The following PTBP3 variants were observed in gnomAD, a reference collection of about 807,000 sequenced individuals.
The protein encoded by PTBP3 is polypyrimidine tract-binding protein 3.
In PTBP3, 20 loss-of-function variants were observed where a neutral mutation model predicts 58.7. The observed-to-expected ratio is 0.34, with a 90% CI of 0.24 to 0.50. PTBP3 has a LOEUF of 0.50. PTBP3 is among the 20% of genes least tolerant of loss of function. The pLI is 0.98. For synonymous variants in PTBP3, 185 were observed against 219.8 expected (o/e 0.84, Z 1.40); for missense variants, 509 against 637.2 (o/e 0.80, Z 2.17).
chr9:112,314,792 A>G (rs1829634804), intron 1 of PTBP3, among the ~76,000 whole-genome samples: 1 of 152,146 alleles, frequency 6.6e-6, no homozygotes, highest in Non-Finnish European at 1.5e-5. Context: ...ATCAGTAAAG[A>G]TACAGAAAAC....
At chr9:112,356,832 CCCAA>C in the PTBP3 span, among the ~76,000 whole-genome samples, 1 of 149,620 alleles carries the variant, frequency 6.7e-6, no homozygotes, top group African/African-American at 2.5e-5. Flanking sequence ...ACAATTTGGC[CCCAA>C]CCATTTCATT....
intron 2 of PTBP3, among the ~76,000 whole-genome samples, chr9:112,290,672 T>TAAAAA (rs141146042): frequency 4.9e-4 from 26 of 53,052 alleles, no homozygotes; most frequent in African/African-American, 1.5e-3. Context: ...ACTCTGTCTT[T>TAAAAA]AAAAAAAAAA....
the PTBP3 span, among the ~76,000 whole-genome samples, chr9:112,363,509 A>C: frequency 1.5e-5 from 2 of 130,860 alleles, no homozygotes; most frequent in Admixed American, 1.6e-4. Context: ...GCTACAGAGC[A>C]AAACTGTCAC....
intron 1 of PTBP3, among the ~76,000 whole-genome samples, chr9:112,313,497 G>C (rs905042939): frequency 1.2e-4 from 18 of 152,172 alleles, no homozygotes; most frequent in Admixed American, 2.0e-4. Flanking sequence ...CAAATATTTT[G>C]TAACTTAATT....
chr9:112,371,901 T>C, the PTBP3 span, among the ~76,000 whole-genome samples: 7 of 152,148 alleles, frequency 4.6e-5, no homozygotes, highest in Non-Finnish European at 1.0e-4. Flanking sequence ...ATCTGGCTAA[T>C]GGCTATTTTT....
In PTBP3 at chr9:112,333,591, C is replaced by T. The variant is rs1175223796; in HGVS notation, c.-173G>A. On this transcript the variant is annotated 5_prime_UTR_variant, in exon 1 of 14. Coordinates refer to ENST00000374257, the MANE Select transcript of PTBP3 (RefSeq NM_001163788.4). The stretch of plus-strand genomic sequence containing the variant: ...ACAAGCGAGCTTTGGCTCTGCGGAG[C>T]CCCGGCCGGTCCGAGGTGGAAGGAG... 3 of 1,332,140 alleles carry T rather than the reference C, an allele frequency of 2.3e-6. No individual in the cohort carries two copies. Among genetic ancestry groups the T allele is most frequent in the East Asian group, 5.3e-5 (2 of 37,576 alleles). 82.5% of individuals were successfully genotyped at this position (1,332,140 alleles called of 1,614,324 possible). A position where few individuals can be genotyped will look rare whatever the true frequency, so the allele number is the denominator to read the frequency against.
the PTBP3 span, among the ~76,000 whole-genome samples, chr9:112,372,037 C>T: frequency 1.6e-4 from 24 of 152,226 alleles, no homozygotes; most frequent in African/African-American, 5.8e-4. Context: ...GAGTTTTCTG[C>T]ATCAGCCATG....
chr9:112,322,381 A>G (rs1011705188), intron 1 of PTBP3, among the ~76,000 whole-genome samples: 3 of 152,268 alleles, frequency 2.0e-5, no homozygotes, highest in East Asian at 1.9e-4. Flanking sequence ...TGAAAGTCAC[A>G]TATCAGAGGC....
chr9:112,262,733 C>G lies in PTBP3; in HGVS notation c.352-134G>C. The G allele has an allele frequency of 8.3e-6, 6 of 719,250 alleles. No individual in the cohort carries two copies. The South Asian group carries it at 2.8e-4, about 33-fold the overall frequency. The allele number at this position is 719,250 out of a possible 1,614,324, so 44.6% of individuals were successfully genotyped here. A position where few individuals can be genotyped will look rare whatever the true frequency, so the allele number is the denominator to read the frequency against. On this transcript the variant is annotated intron_variant, in intron 4 of 13. Transcript: ENST00000374257. ...GATTTATCTACTCCGTCTGGAGATACATATCCTAAATTTGTAATCAGTCAA... is the reference window on the plus strand; with the variant it reads ...GATTTATCTACTCCGTCTGGAGATAGATATCCTAAATTTGTAATCAGTCAA...
rs114290940 is a variant in PTBP3, at chr9:112,304,516, T to C, written c.-51-6600A>G. Among the ~76,000 whole-genome samples, 718 of 152,376 alleles carry C rather than the reference T, an allele frequency of 4.7e-3. 6 individuals carry two copies. Among genetic ancestry groups the C allele is most frequent in the African/African-American group, 0.017 (688 of 41,588 alleles). On this transcript the variant is annotated intron_variant, in intron 1 of 13. Coordinates refer to ENST00000374257, the MANE Select transcript of PTBP3 (RefSeq NM_001163788.4). ...TATAATATGAATCTATGCTCCGCTC[T>C]ATTATCCTTTTAACTGATAAGCTTT...
In PTBP3 at chr9:112,219,524, A is replaced by G. The variant is rs1163886379; in HGVS notation, c.*4327T>C. The G allele has an allele frequency of 6.6e-6, 1 of 152,594 alleles. No homozygotes were observed. Among genetic ancestry groups the G allele is most frequent in the Non-Finnish European group, 1.5e-5 (1 of 68,026 alleles). 9.5% of individuals were successfully genotyped at this position (152,594 alleles called of 1,614,324 possible). On this transcript the variant is annotated 3_prime_UTR_variant, in exon 14 of 14. Transcript: ENST00000374257. ...CTCTGGAACATATGCCTCAGGTTAC[A>G]AAAACTAAGGAAACTACCACAAAGA...
At chr9:112,286,020 T>C (rs1029551549) in intron 2 of PTBP3, among the ~76,000 whole-genome samples, 1 of 152,262 alleles carries the variant, frequency 6.6e-6, no homozygotes, top group Non-Finnish European at 1.5e-5. Flanking sequence ...TTAGATTATG[T>C]CTACTCAATA....
Position 112,221,673 on chromosome 9 carries a change from A to C in PTBP3, c.*2178T>G. On this transcript the variant is annotated 3_prime_UTR_variant, in exon 14 of 14. Coordinates refer to ENST00000374257, the MANE Select transcript of PTBP3 (RefSeq NM_001163788.4). Reference sequence around the variant, plus strand: ...AAAAACTAAAAACTCCCACAACTACATACATGAGTATATCTATCTATTCAG... The same window carrying C: ...AAAAACTAAAAACTCCCACAACTACCTACATGAGTATATCTATCTATTCAG... The C allele has an allele frequency of 1.0e-6, 1 of 985,324 alleles. No homozygotes were observed. Among genetic ancestry groups the C allele is most frequent in the Non-Finnish European group, 1.2e-6 (1 of 829,822 alleles). The allele number at this position is 985,324 out of a possible 1,614,324, so 61.0% of individuals were successfully genotyped here. A position where few individuals can be genotyped will look rare whatever the true frequency, so the allele number is the denominator to read the frequency against.
At chr9:112,306,737 TC>T in intron 1 of PTBP3, among the ~76,000 whole-genome samples, 1 of 152,098 alleles carries the variant, frequency 6.6e-6, no homozygotes, top group Middle Eastern at 3.4e-3. Flanking sequence ...TGCCTCAGCC[TC>T]CCAAGTAGCT....
chr9:112,322,828 T>C (rs1309432174), intron 1 of PTBP3, among the ~76,000 whole-genome samples: 1 of 152,218 alleles, frequency 6.6e-6, no homozygotes, highest in Non-Finnish European at 1.5e-5. Flanking sequence ...AGATGGTGAG[T>C]TGTTTTTCAG....
At chr9:112,280,082 T>C (rs1827789624) in intron 2 of PTBP3, among the ~76,000 whole-genome samples, 1 of 152,118 alleles carries the variant, frequency 6.6e-6, no homozygotes, top group Admixed American at 6.6e-5. Flanking sequence ...TATTTATAGA[T>C]GGAGTCTTGC....
the PTBP3 span, among the ~76,000 whole-genome samples, chr9:112,363,418 C>T: frequency 3.3e-5 from 5 of 151,652 alleles, no homozygotes; most frequent in East Asian, 9.7e-4. Context: ...ACTCGGGAGG[C>T]TGAAGTGGGC....
intron 1 of PTBP3, among the ~76,000 whole-genome samples, chr9:112,322,508 G>T (rs568554816): frequency 5.9e-4 from 90 of 152,296 alleles, no homozygotes; most frequent in African/African-American, 2.1e-3. Flanking sequence ...AGCTCAAAGA[G>T]CTGCAAGGCT....
intron 1 of PTBP3, among the ~76,000 whole-genome samples, chr9:112,301,456 G>GA (rs58210600): frequency 1.1e-4 from 17 of 148,152 alleles, no homozygotes; most frequent in Admixed American, 2.0e-4. Flanking sequence ...CTGAAAAAAA[G>GA]AAAAAAAAAA....
Sources: gnomAD v4.1 joint callset for allele counts (sites outside exome capture counted in the v4.1 genomes callset) on GRCh38, gnomAD v4.1.1 for gene constraint, MANE v1.5 for transcripts, NCBI Gene and HGNC (gene_info 2026-07-23, HGNC 2026-07-21) for gene names.